CPXM1: variants seen among roughly 807,000 people sequenced by gnomAD.
CPXM1 encodes probable carboxypeptidase X1.
Under a neutral mutation model 80.4 loss-of-function variants are expected in CPXM1, and 72 were observed. That is an observed-to-expected ratio of 0.90 (90% CI 0.74 to 1.09). CPXM1 has a LOEUF of 1.09. Ranked by LOEUF, CPXM1 falls within the 50% of genes least tolerant of loss-of-function variation. The pLI is 0.00. For missense variants in CPXM1, 892 were observed against 999.4 expected, an observed-to-expected ratio of 0.89 and a Z score of 1.45; for synonymous variants, 403 against 405.6, an observed-to-expected ratio of 0.99 and a Z score of 0.08.
At chr20:2,800,364 G>A (rs371584972) in intron 1 of CPXM1, 37 bp downstream of exon 1, 8 of 1,474,310 alleles carry the variant, frequency 5.4e-6, no homozygotes, top group African/African-American at 4.4e-5. Flanking sequence ...CGGGCAGTCG[G>A]CTTGCGGGGG....
Position 2,794,645 on chromosome 20 carries a change from T to C in CPXM1, c.1861-6A>G. The C allele has an allele frequency of 6.2e-7, 1 of 1,606,818 alleles. No individual in the cohort carries two copies. The highest frequency in any genetic ancestry group is 8.5e-7 in the Non-Finnish European group (1 of 1,176,978). On this transcript the variant is annotated splice_polypyrimidine_tract_variant and splice_region_variant and intron_variant, in intron 12 of 13. Transcript: ENST00000380605. This position sits in a 1 kb window ranked among gnomAD's most constrained non-coding sequence, Gnocchi z 5.2. ...CCTGCAATGCCCATGCGCACCTGTG[T>C]GGGAAGAGGTTATCAGAGCCCTTCC...
Position 2,798,765 on chromosome 20 carries a change from G to C in CPXM1, c.301C>G (p.Pro101Ala). 2 of 1,613,806 alleles carry C rather than the reference G, an allele frequency of 1.2e-6. No individual in the cohort carries two copies. Among genetic ancestry groups the C allele is most frequent in the Non-Finnish European group, 1.7e-6 (2 of 1,179,988 alleles). The part of the protein sequence containing the change: ...VTAGPLVTPT[P>A]AGTLDPAEKQ... ...TCAGCGGGGTCGAGGGTCCCTGCTG[G>C]AGTGGGGGTCACAAGGGGCCCGGCA... Residue 101 changes from proline (P) to alanine (A), a missense_variant, in exon 2 of 14, where the codon CCA (proline) becomes GCA (alanine). Pro to Ala is a conservative substitution (Grantham distance 27). This residue lies in a region of CPXM1 where 874 missense variants were observed against 958.4 expected (regional missense o/e 0.91). Transcript: ENST00000380605.
intron 1 of CPXM1, among the ~76,000 whole-genome samples, chr20:2,800,115 TGC>T (rs1169691895): frequency 6.8e-6 from 1 of 147,750 alleles, no homozygotes; most frequent in Non-Finnish European, 1.5e-5. Flanking sequence ...AGTGTGAGTG[TGC>T]GCGCGCGTGC....
At position 2,800,423 on chromosome 20, in the gene CPXM1, C is replaced by T; in HGVS notation, c.150G>A (p.Gln50=). Residue 50 remains glutamine (Q), a synonymous_variant, in exon 1 of 14, where the codon CAG becomes CAA. Coordinates refer to ENST00000380605, the MANE Select transcript of CPXM1 (RefSeq NM_019609.5). The part of the protein sequence containing the change: ...STPALHSSPA[Q]PPAETANGTS... The stretch of plus-strand genomic sequence containing the variant: ...CACCGTTAGCTGTCTCCGCCGGCGG[C>T]TGTGCCGGGCTGCTATGCAGGGCCG... The T allele has an allele frequency of 6.5e-7, 1 of 1,527,384 alleles. No individual in the cohort carries two copies. Among genetic ancestry groups the T allele is most frequent in the South Asian group, 1.2e-5 (1 of 82,048 alleles). 94.6% of individuals were successfully genotyped at this position (1,527,384 alleles called of 1,614,324 possible). A position where few individuals can be genotyped will look rare whatever the true frequency, so the allele number is the denominator to read the frequency against.
rs772529140 is a variant in CPXM1, at chr20:2,795,242, T to C, written c.1860+35A>G. The C allele has an allele frequency of 6.2e-7, 1 of 1,605,546 alleles. No homozygotes were observed. Among genetic ancestry groups the C allele is most frequent in the East Asian group, 2.2e-5 (1 of 44,750 alleles). ...TAGCCTAAATGGACAGCAGGAGTGA[T>C]TCAGGCAGGCTGGGGGCCGGGACGC... is the stretch of plus-strand genomic sequence containing the variant. On this transcript the variant is annotated intron_variant, in intron 12 of 13. Coordinates refer to ENST00000380605, the MANE Select transcript of CPXM1 (RefSeq NM_019609.5). The surrounding 1 kb of genome is among the most constrained non-coding windows in gnomAD (Gnocchi z 5.4).
At position 2,800,402 on chromosome 20, in the gene CPXM1, G is replaced by A. The variant is rs533782497; in HGVS notation, c.171C>T (p.Asn57=). 478 of 1,528,956 alleles carry A rather than the reference G, an allele frequency of 3.1e-4. 2 individuals carry two copies. In the South Asian group the frequency reaches 5.5e-3, roughly 18 times the overall value. The allele number at this position is 1,528,956 out of a possible 1,614,324, so 94.7% of individuals were successfully genotyped here. A position where few individuals can be genotyped will look rare whatever the true frequency, so the allele number is the denominator to read the frequency against. The change falls in exon 1 of 14, where the codon AAC becomes AAT. Residue 57 remains asparagine (N), a splice_region_variant and synonymous_variant. Transcript: ENST00000380605. ...SPAQPPAETA[N]GTSEQHVRIR... is the part of the protein sequence containing the mutation. ...CGGACCGTCGGTCGGGGAACTCACC[G>A]TTAGCTGTCTCCGCCGGCGGCTGTG...
chr20:2,800,526 CCGACGGCCGGCG>C lies in CPXM1; in HGVS notation c.35_46del (p.Ala12_Val15del). ...GTTCCTGGGCGCCCCCAGAGCCGGG[CCGACGGCCGGCG>C]CGAAGGCGGCCAGGGCGAGCAGGAG... On this transcript the variant is annotated inframe_deletion, in exon 1 of 14. Transcript: ENST00000380605. The C allele has an allele frequency of 7.4e-7, 1 of 1,360,302 alleles. No individual in the cohort carries two copies. Among genetic ancestry groups the C allele is most frequent in the Non-Finnish European group, 9.4e-7 (1 of 1,062,650 alleles). The allele number at this position is 1,360,302 out of a possible 1,614,324, so 84.3% of individuals were successfully genotyped here.
At position 2,796,760 on chromosome 20, in the gene CPXM1, G is replaced by A; in HGVS notation, c.922-110C>T. On this transcript the variant is annotated intron_variant, in intron 7 of 13. Coordinates refer to ENST00000380605, the MANE Select transcript of CPXM1 (RefSeq NM_019609.5). The surrounding 1 kb of genome is among the most constrained non-coding windows in gnomAD (Gnocchi z 6.8). Reference sequence around the variant, plus strand: ...AGTCAGCGATGGCCCACACAGAGGGGGCATCCCATCATGGTACAGGAGGGG... The same window carrying A: ...AGTCAGCGATGGCCCACACAGAGGGAGCATCCCATCATGGTACAGGAGGGG... 5 of 1,459,848 alleles carry A rather than the reference G, an allele frequency of 3.4e-6. No individual in the cohort carries two copies. Among genetic ancestry groups the A allele is most frequent in the Non-Finnish European group, 4.7e-6 (5 of 1,075,070 alleles). The allele number at this position is 1,459,848 out of a possible 1,614,324, so 90.4% of individuals were successfully genotyped here.
At chr20:2,799,019 C>T (rs2088540753) in intron 1 of CPXM1, 126 bp from the exon 2 acceptor site, 2 of 943,340 alleles carry the variant, frequency 2.1e-6, no homozygotes, top group Admixed American at 4.5e-5. Flanking sequence ...TAACAGCCTT[C>T]ACAGGACATC....
At chr20:2,797,891 C>T (rs1156843351) in intron 5 of CPXM1, 77 bp downstream of exon 5, 5 of 1,337,324 alleles carry the variant, frequency 3.7e-6, no homozygotes, top group Non-Finnish European at 5.3e-6. Context: ...TCCTTGTCCT[C>T]AGAGGAGCCT....
chr20:2,794,820 A>G lies in CPXM1; in HGVS notation c.1861-181T>C, dbSNP rs532749286. Among the ~76,000 whole-genome samples the G allele has an allele frequency of 6.6e-6, 1 of 151,898 alleles. No individual in the cohort carries two copies. Among genetic ancestry groups the G allele is most frequent in the South Asian group, 2.1e-4 (1 of 4,808 alleles). ...ATCCTGATTGACAAATCACATCTGG[A>G]CTAAGAAAATGATAAATACCTGGTA... On this transcript the variant is annotated intron_variant, in intron 12 of 13. Transcript: ENST00000380605. This position sits in a 1 kb window ranked among gnomAD's most constrained non-coding sequence, Gnocchi z 5.2.
chr20:2,794,365 C>T lies in CPXM1; in HGVS notation c.2030G>A (p.Gly677Asp). ...ACAGTTCCGTGTCACTGAATGGTAGCCCTCGGCACTGGCAGTCACCATGTA... is the reference window on the plus strand; with the variant it reads ...ACAGTTCCGTGTCACTGAATGGTAGTCCTCGGCACTGGCAGTCACCATGTA... ...GDYMVTASAE[G>D]YHSVTRNCRV... is the part of the protein sequence containing the mutation. The change falls in exon 14 of 14, where the codon GGC becomes GAC. Residue 677 changes from glycine (G) to aspartate (D), a missense_variant. Physicochemically the swap from Gly to Asp is moderately conservative, Grantham distance 94. Around this residue, in one of 2 missense-constraint regions of CPXM1, gnomAD observed 874 missense variants for 958.4 expected, o/e 0.91. Transcript: ENST00000380605. The surrounding 1 kb of genome is among the most constrained non-coding windows in gnomAD (Gnocchi z 5.2). 1 of 1,614,134 alleles carries T rather than the reference C, an allele frequency of 6.2e-7. No homozygotes were observed. Among genetic ancestry groups the T allele is most frequent in the Non-Finnish European group, 8.5e-7 (1 of 1,180,026 alleles).
chr20:2,800,270 G>C (rs897235657), intron 1 of CPXM1, 131 bp downstream of exon 1: 3 of 797,132 alleles, frequency 3.8e-6, no homozygotes, highest in Non-Finnish European at 3.6e-6. Context: ...TGTGCGTGCG[G>C]GGTGAGTGTG....
chr20:2,794,231 G>C lies in CPXM1; in HGVS notation c.2164C>G (p.Leu722Val). 6.2e-7 allele frequency: 1 copy of C among 1,613,896 alleles called. No individual in the cohort carries two copies. Among genetic ancestry groups the C allele is most frequent in the Non-Finnish European group, 8.5e-7 (1 of 1,180,020 alleles). The part of the protein sequence containing the change: ...LAAGAKVPPD[L>V]RRRLERLRGQ... ...CTTAGCCGCTCCAGGCGCCTGCGAA[G>C]GTCCGGGGGCACCTTGGCCCCAGCT... Residue 722 changes from leucine (L) to valine (V), a missense_variant, in exon 14 of 14, where the codon CTT (leucine) becomes GTT (valine). Transcript: ENST00000380605. The surrounding 1 kb of genome is among the most constrained non-coding windows in gnomAD (Gnocchi z 5.2).
chr20:2,797,791 C>T (rs896413726), intron 5 of CPXM1, among the ~76,000 whole-genome samples, 177 bp downstream of exon 5: 7 of 152,186 alleles, frequency 4.6e-5, no homozygotes, highest in Middle Eastern at 3.2e-3. Context: ...TGGGCATGTC[C>T]CAAAGCAGCT....
At chr20:2,800,328 G>A (rs1434824666) in intron 1 of CPXM1, 73 bp downstream of exon 1, 2 of 1,331,028 alleles carry the variant, frequency 1.5e-6, no homozygotes, top group Non-Finnish European at 2.0e-6. Flanking sequence ...GTGTTAGGGA[G>A]GGATCGCCCC....
At chr20:2,799,177 G>A (rs141441469) in intron 1 of CPXM1, among the ~76,000 whole-genome samples, 2 of 152,232 alleles carry the variant, frequency 1.3e-5, no homozygotes, top group East Asian at 1.9e-4. Flanking sequence ...GAAACTGTTC[G>A]GTTGCTCCAA....
chr20:2,794,635 C>A lies in CPXM1; in HGVS notation c.1865G>T (p.Arg622Leu), dbSNP rs772660245. 5.6e-6 allele frequency: 9 copies of A among 1,610,138 alleles called. No homozygotes were observed. The highest frequency in any genetic ancestry group is 1.1e-5 in the South Asian group (1 of 91,062). Residue 622 changes from arginine (R) to leucine (L), a missense_variant, in exon 13 of 14, where the codon CGC becomes CTC. By Grantham distance (102) the Arg-to-Leu change is moderately radical. Around this residue, in one of 2 missense-constraint regions of CPXM1, gnomAD observed 874 missense variants for 958.4 expected, o/e 0.91. Coordinates refer to ENST00000380605, the MANE Select transcript of CPXM1 (RefSeq NM_019609.5). The surrounding 1 kb of genome is among the most constrained non-coding windows in gnomAD (Gnocchi z 5.2). ...DALLTYLEQVRMGIAGVVRDK... is the reference protein window; with the variant it reads ...DALLTYLEQVLMGIAGVVRDK... ...CCTCACCACTCCTGCAATGCCCATG[C>A]GCACCTGTGTGGGAAGAGGTTATCA...
Position 2,797,098 on chromosome 20 carries a change from G to A in CPXM1, c.833-4C>T, listed in dbSNP as rs1181058338. 6.2e-7 allele frequency: 1 copy of A among 1,614,088 alleles called. No homozygotes were observed. The highest frequency in any genetic ancestry group is 1.3e-5 in the African/African-American group (1 of 75,022). ...TCAAGGAATAGGTCATTGGGGTCTG[G>A]TGGAGGTTGAGTTTATGGTAAAGGG... On this transcript the variant is annotated splice_polypyrimidine_tract_variant and splice_region_variant and intron_variant, in intron 6 of 13. Transcript: ENST00000380605.
Sources: gnomAD v4.1 joint callset for allele counts (sites outside exome capture counted in the v4.1 genomes callset) on GRCh38, gnomAD v4.1.1 for gene constraint, gnomAD v4.1.1 regional missense constraint, Gnocchi (gnomAD v3.1) non-coding constraint, MANE v1.5 for transcripts, NCBI Gene and HGNC (gene_info 2026-07-23, HGNC 2026-07-21) for gene names.